Variants in TANC1 observed in about 807,000 individuals in gnomAD.
TANC1 encodes the protein tetratricopeptide repeat, ankyrin repeat and coiled-coil containing 1, also known as protein TANC1.
TANC1 carries 77 observed loss-of-function variants against 149.7 expected under a neutral mutation model. The observed-to-expected ratio is 0.51, with a 90% CI of 0.43 to 0.62. TANC1 has a LOEUF of 0.62. Among genes scored for constraint, TANC1 ranks in the 20% least tolerant of loss-of-function variants. TANC1 has a pLI of 0.00. For missense variants in TANC1, 1,985 were observed against 2,321.8 expected (o/e 0.85, Z 2.98); for synonymous variants, 854 against 925.0 (o/e 0.92, Z 1.39).
rs73004903 is a variant in TANC1 at position 159,212,888 on chromosome 2, C to G, written c.3245-4609C>G. On this transcript the variant is annotated intron_variant, in intron 19 of 26. Transcript: ENST00000263635. Reference sequence around the variant, plus strand: ...TGAGCCGAGATTGTGCTACTGCACTCCAGCCTGGGTGACAGGGCGAGACAC... The same window carrying G: ...TGAGCCGAGATTGTGCTACTGCACTGCAGCCTGGGTGACAGGGCGAGACAC... 2.0e-5 allele frequency among the ~76,000 whole-genome samples: 3 copies of G among 149,796 alleles called. No individual in the cohort carries two copies. The South Asian group carries it at 6.3e-4, about 32-fold the overall frequency.
intron 19 of TANC1, among the ~76,000 whole-genome samples, chr2:159,207,712 AAAAAAAAAAAAAAAAC>A (rs1220816727): frequency 6.7e-6 from 1 of 149,188 alleles, no homozygotes; most frequent in African/African-American, 2.5e-5. Flanking sequence ...AAAAAAAAAA[AAAAAAAAAAAAAAAAC>A]AACTCAGACT....
intron 2 of TANC1, chr2:159,056,096 C>T (rs1031995616): frequency 5.5e-5 from 16 of 289,364 alleles, no homozygotes; most frequent in South Asian, 4.1e-4. Context: ...AAAGCCTCAA[C>T]GGCACATGAA....
chr2:159,136,824 A>G (rs577426481), intron 5 of TANC1, among the ~76,000 whole-genome samples: 1 of 150,162 alleles, frequency 6.7e-6, no homozygotes, highest in South Asian at 2.1e-4. Flanking sequence ...TGATGGAAAT[A>G]TTTTTAAAGA....
At chr2:159,206,731 G>T (rs1053720173) in intron 19 of TANC1, among the ~76,000 whole-genome samples, 1 of 152,120 alleles carries the variant, frequency 6.6e-6, no homozygotes, top group African/African-American at 2.4e-5. Flanking sequence ...TGTTTTGGGG[G>T]CCAGATGTGA....
chr2:159,219,887 C>A lies in TANC1; in HGVS notation c.3678+20C>A. ...GAGACTGTGAGTACCAGCAGGTGTT[C>A]CCCACCTCCACCTGCATTGGAAAGA... On this transcript the variant is annotated intron_variant, in intron 22 of 26. Transcript: ENST00000263635. 1 of 1,611,544 alleles carries A rather than the reference C, an allele frequency of 6.2e-7. No homozygotes were observed. The highest frequency in any genetic ancestry group is 8.5e-7 in the Non-Finnish European group (1 of 1,179,506).
chr2:159,115,600 C>G (rs1163913546), intron 4 of TANC1, among the ~76,000 whole-genome samples: 1 of 152,132 alleles, frequency 6.6e-6, no homozygotes, highest in Non-Finnish European at 1.5e-5. Context: ...AATGAACTGT[C>G]CCTCGGGCAC....
intron 3 of TANC1, among the ~76,000 whole-genome samples, chr2:159,077,638 A>G (rs411291): frequency 0.7 from 106,067 of 152,018 alleles, 37,194 homozygotes; most frequent in Non-Finnish European, 0.73. Context: ...CATTTTTTTC[A>G]TATTGGCACA....
At chr2:159,006,211 G>A (rs773437308) in intron 2 of TANC1, among the ~76,000 whole-genome samples, 2 of 149,720 alleles carry the variant, frequency 1.3e-5, no homozygotes, top group African/African-American at 4.9e-5. Flanking sequence ...GCAGAAGATC[G>A]CTTGAAACTG....
intron 3 of TANC1, among the ~76,000 whole-genome samples, chr2:159,076,847 G>A (rs911006588): frequency 8.6e-5 from 13 of 152,032 alleles, no homozygotes; most frequent in African/African-American, 3.1e-4. Context: ...CTATGTCTCC[G>A]GCTGTCTTCC....
chr2:159,040,707 T>C (rs1189497383), intron 2 of TANC1, among the ~76,000 whole-genome samples: 3 of 152,232 alleles, frequency 2.0e-5, no homozygotes, highest in African/African-American at 7.2e-5. Context: ...GGTTTGAACA[T>C]CCTCCTTTAG....
At chr2:159,015,972 G>C (rs1012604401) in intron 2 of TANC1, among the ~76,000 whole-genome samples, 6 of 152,066 alleles carry the variant, frequency 3.9e-5, no homozygotes, top group Non-Finnish European at 7.4e-5. Flanking sequence ...AACTGTTCCA[G>C]CCTCTGTATG....
chr2:159,059,572 T>C (rs1372577118), intron 2 of TANC1, among the ~76,000 whole-genome samples: 1 of 152,066 alleles, frequency 6.6e-6, no homozygotes, highest in East Asian at 1.9e-4. Context: ...CACAATTATT[T>C]ACGGGTTGTT....
rs895245300 is a variant in TANC1, at chr2:158,988,339, A to AG, written c.-125-12741_-125-12740insG. ...AGACCCTGTCCCAAAAAAAAAAAAAAAAAAGAAAAAGTGTTTTCGTTTTGT... is the reference window on the plus strand; with the variant it reads ...AGACCCTGTCCCAAAAAAAAAAAAAAGAAAAGAAAAAGTGTTTTCGTTTTGT... On this transcript the variant is annotated intron_variant, in intron 1 of 26. Transcript: ENST00000263635. Among the ~76,000 whole-genome samples, 8 of 151,966 alleles carry AG rather than the reference A, an allele frequency of 5.3e-5. No individual in the cohort carries two copies. The East Asian group carries it at 7.7e-4, about 15-fold the overall frequency.
At chr2:159,020,872 T>A (rs1038101425) in intron 2 of TANC1, among the ~76,000 whole-genome samples, 7 of 148,418 alleles carry the variant, frequency 4.7e-5, no homozygotes, top group African/African-American at 1.5e-4. Flanking sequence ...GTCAGTCTCT[T>A]TTTTTTTTTT....
At position 159,194,252 on chromosome 2, in the gene TANC1, A is replaced by G. The variant is rs752848887; in HGVS notation, c.2743-5A>G. On this transcript the variant is annotated splice_region_variant and splice_polypyrimidine_tract_variant and intron_variant, in intron 16 of 26. Coordinates refer to ENST00000263635, the MANE Select transcript of TANC1 (RefSeq NM_033394.3). ...ACAATCTTGTTGGGGGGCCTTGTCC[A>G]ACAGGTGAGCCGTCTCCTGATTTTG... The G allele has an allele frequency of 1.2e-6, 2 of 1,611,910 alleles. No individual in the cohort carries two copies. The highest frequency in any genetic ancestry group is 1.7e-5 in the Admixed American group (1 of 60,010).
chr2:159,181,693 G>T (rs1419653057), intron 14 of TANC1, among the ~76,000 whole-genome samples: 1 of 152,142 alleles, frequency 6.6e-6, no homozygotes, highest in East Asian at 1.9e-4. Context: ...ATCTTCCATT[G>T]ATTCTTGTAT....
At chr2:159,085,203 T>C (rs2149813770) in intron 3 of TANC1, among the ~76,000 whole-genome samples, 1 of 152,280 alleles carries the variant, frequency 6.6e-6, no homozygotes, top group Middle Eastern at 3.4e-3. Context: ...AGGATACTTC[T>C]CAGCTTTTCC....
intron 2 of TANC1, among the ~76,000 whole-genome samples, chr2:159,053,646 G>A (rs562104740): frequency 2.6e-5 from 4 of 152,320 alleles, no homozygotes; most frequent in Non-Finnish European, 5.9e-5. Flanking sequence ...TCCTGTCACC[G>A]TGTAACAAGC....
At chr2:159,040,109 C>T (rs1478537034) in intron 2 of TANC1, among the ~76,000 whole-genome samples, 1 of 152,148 alleles carries the variant, frequency 6.6e-6, no homozygotes, top group Non-Finnish European at 1.5e-5. Context: ...TATGTAATGG[C>T]CTTCGTTGTC....
Sources: gnomAD v4.1 joint callset for allele counts (sites outside exome capture counted in the v4.1 genomes callset) on GRCh38, gnomAD v4.1.1 for gene constraint, MANE v1.5 for transcripts, NCBI Gene and HGNC (gene_info 2026-07-23, HGNC 2026-07-21) for gene names.